Variants in RTKN2 observed in about 807,000 individuals in gnomAD.
RTKN2 encodes rhotekin 2.
A neutral mutation model predicts 71.5 loss-of-function variants in RTKN2; 69 were observed. The ratio of observed to expected loss-of-function variants is 0.96; its 90% CI spans 0.79 to 1.18. RTKN2 has a LOEUF of 1.18. Among genes scored for constraint, RTKN2 ranks in the 50% most tolerant of loss-of-function variants. RTKN2 has a pLI of 0.00. For synonymous variants in RTKN2, 236 were observed against 236.5 expected, an observed-to-expected ratio of 1.00 and a Z score of 0.02; for missense variants, 724 against 719.7, an observed-to-expected ratio of 1.01 and a Z score of -0.07.
At position 62,209,252 on chromosome 10, in the gene RTKN2, G is replaced by A. The variant is rs535650771; in HGVS notation, c.1021-4230C>T. On this transcript the variant is annotated intron_variant, in intron 9 of 11. Coordinates refer to ENST00000373789, the MANE Select transcript of RTKN2 (RefSeq NM_145307.4). ...CACTGCTCTCCAGCCTGGGCAACAC[G>A]AGCGAAACTCCATCTCAAAAAAAAA... is the stretch of plus-strand genomic sequence containing the variant. 7.9e-5 allele frequency among the ~76,000 whole-genome samples: 12 copies of A among 151,866 alleles called. No individual in the cohort carries two copies. In the East Asian group the frequency reaches 2.1e-3, roughly 27 times the overall value.
At chr10:62,261,426 G>A (rs1842772648) in intron 2 of RTKN2, among the ~76,000 whole-genome samples, 1 of 152,038 alleles carries the variant, frequency 6.6e-6, no homozygotes, top group African/African-American at 2.4e-5. Context: ...CAAATCACGA[G>A]GTCAGGAGAT....
chr10:62,199,608 T>G, intron 11 of RTKN2, 146 bp downstream of exon 11: 1 of 500,284 alleles, frequency 2.0e-6, no homozygotes. Flanking sequence ...AAACATGAGT[T>G]CCTTAGTCTA....
intron 1 of RTKN2, among the ~76,000 whole-genome samples, chr10:62,267,590 T>C (rs988567784): frequency 6.6e-6 from 1 of 152,244 alleles, no homozygotes; most frequent in Admixed American, 6.5e-5. Context: ...TGAATCTTAA[T>C]GTCTTGCTTT....
At chr10:62,217,519 C>A (rs1285756522) in intron 8 of RTKN2, among the ~76,000 whole-genome samples, 1 of 152,096 alleles carries the variant, frequency 6.6e-6, no homozygotes, top group Non-Finnish European at 1.5e-5. Context: ...AACCATAGAT[C>A]AATGGTGTTT....
chr10:62,268,447 A>T (rs1589393304), intron 1 of RTKN2, 104 bp downstream of exon 1: 1 of 1,093,808 alleles, frequency 9.1e-7, no homozygotes, highest in East Asian at 2.6e-5. Flanking sequence ...GCTGAAATAG[A>T]GGAGCGGGGG....
chr10:62,189,260 C>G (rs1286193206), downstream of RTKN2, among the ~76,000 whole-genome samples: 2 of 152,038 alleles, frequency 1.3e-5, no homozygotes, highest in Non-Finnish European at 2.9e-5. Flanking sequence ...ACTTCTGCCC[C>G]TAGTTGCAAC....
intron 9 of RTKN2, among the ~76,000 whole-genome samples, chr10:62,211,817 C>A (rs7075261): frequency 0.59 from 90,221 of 151,740 alleles, 27,067 homozygotes; most frequent in East Asian, 0.9. Context: ...GGCGTGTGCC[C>A]CCATGCCTGG....
intron 6 of RTKN2, among the ~76,000 whole-genome samples, chr10:62,232,274 G>T (rs972810943): frequency 6.6e-6 from 1 of 150,724 alleles, no homozygotes; most frequent in Non-Finnish European, 1.5e-5. Context: ...ATTCCTCTAG[G>T]CTTCAAAAAG....
chr10:62,254,179 T>C (rs1198023266), intron 2 of RTKN2, among the ~76,000 whole-genome samples: 5 of 152,198 alleles, frequency 3.3e-5, no homozygotes, highest in Non-Finnish European at 7.4e-5. Flanking sequence ...AAATCTCATG[T>C]TGAATTGTAA....
chr10:62,227,950 A>G (rs1380692667), intron 6 of RTKN2, among the ~76,000 whole-genome samples: 2 of 152,186 alleles, frequency 1.3e-5, no homozygotes, highest in African/African-American at 4.8e-5. Context: ...TGGAATTGTT[A>G]TGAACTGAAA....
At chr10:62,204,778 AT>A (rs2132826824) in intron 10 of RTKN2, 78 bp downstream of exon 10, 1 of 1,147,940 alleles carries the variant, frequency 8.7e-7, no homozygotes, top group African/African-American at 1.6e-5. Context: ...AAACTCTAAG[AT>A]TACAATTTTA....
intron 8 of RTKN2, 28 bp from the exon 9 acceptor site, chr10:62,217,277 GAC>G: frequency 7.0e-7 from 1 of 1,434,612 alleles, no homozygotes; most frequent in Non-Finnish European, 9.3e-7. Flanking sequence ...AAAATCAAGA[GAC>G]TATCAATTTT....
chr10:62,220,106 G>C (rs991038970), intron 7 of RTKN2, among the ~76,000 whole-genome samples: 1 of 149,702 alleles, frequency 6.7e-6, no homozygotes, highest in African/African-American at 2.4e-5. Flanking sequence ...AATTACCCCA[G>C]AATTTTTTTT....
chr10:62,235,966 GT>G (rs1250464034), intron 6 of RTKN2, 99 bp downstream of exon 6: 40 of 881,628 alleles, frequency 4.5e-5, no homozygotes, highest in Non-Finnish European at 6.5e-5. Context: ...GTTTCCTGAT[GT>G]TTTTCCATTT....
chr10:62,192,934 CTA>C (rs1564494562), downstream of RTKN2, among the ~76,000 whole-genome samples: 1 of 152,060 alleles, frequency 6.6e-6, no homozygotes, highest in African/African-American at 2.4e-5. Flanking sequence ...ATCTAACACA[CTA>C]TGTGTATGAG....
chr10:62,184,328 GA>G lies in RTKN2; in HGVS notation c.920del (p.Phe307SerfsTer13), dbSNP rs1433498182. On this transcript the variant is annotated frameshift_variant, in exon 9 of 9. Transcript: ENST00000315289. LOFTEE classifies it high-confidence loss of function. ...TAATGAAGTATTTGAGAAGCTATGTGAAGAGGAATTTGGAAGTTGCTGGCAG... is the reference window on the plus strand; with the variant it reads ...TAATGAAGTATTTGAGAAGCTATGTGAGAGGAATTTGGAAGTTGCTGGCAG... 4.3e-5 allele frequency: 66 copies of G among 1,535,836 alleles called. No homozygotes were observed. Among genetic ancestry groups the G allele is most frequent in the Non-Finnish European group, 5.4e-5 (61 of 1,134,886 alleles).
chr10:62,187,449 G>T (rs1259806301), intron 8 of RTKN2, among the ~76,000 whole-genome samples: 1 of 152,032 alleles, frequency 6.6e-6, no homozygotes, highest in Non-Finnish European at 1.5e-5. Flanking sequence ...TCACCCTTCA[G>T]AGCCCTCAGG....
intron 2 of RTKN2, among the ~76,000 whole-genome samples, chr10:62,259,604 T>TGA (rs1204555841): frequency 6.6e-6 from 1 of 152,200 alleles, no homozygotes; most frequent in Non-Finnish European, 1.5e-5. Flanking sequence ...CTGGCTGGAG[T>TGA]GCTGTGGTGC....
chr10:62,225,167 G>A (rs750011654), intron 6 of RTKN2, among the ~76,000 whole-genome samples: 4 of 152,160 alleles, frequency 2.6e-5, no homozygotes, highest in African/African-American at 4.8e-5. Context: ...TTCTTAAAGT[G>A]CCTGCTTGAG....
Sources: gnomAD v4.1 joint callset for allele counts (sites outside exome capture counted in the v4.1 genomes callset) on GRCh38, gnomAD v4.1.1 for gene constraint, MANE v1.5 for transcripts, NCBI Gene and HGNC (gene_info 2026-07-23, HGNC 2026-07-21) for gene names.